The following PACC1 variants were observed in gnomAD, a reference collection of about 807,000 sequenced individuals.
The protein encoded by PACC1 is proton-activated chloride channel.
PACC1 carries 34 observed loss-of-function variants against 39.7 expected under a neutral mutation model. The ratio of observed to expected loss-of-function variants is 0.86; its 90% CI spans 0.65 to 1.14. The LOEUF (loss-of-function observed/expected upper bound fraction) is 1.14. Among genes scored for constraint, PACC1 ranks in the 50% most tolerant of loss-of-function variants. The pLI is 0.00. For synonymous variants in PACC1, 127 were observed against 160.6 expected (o/e 0.79, Z 1.58); for missense variants, 379 against 436.4 (o/e 0.87, Z 1.17).
At chr1:212,375,364 G>A in intron 6 of PACC1, 64 bp from the exon 7 acceptor site, 3 of 1,182,734 alleles carry the variant, frequency 2.5e-6, no homozygotes, top group South Asian at 1.2e-5. Flanking sequence ...CCTGTGCCCA[G>A]CGAAAGGAGA....
intron 2 of PACC1, among the ~76,000 whole-genome samples, chr1:212,394,135 A>T (rs573953605): frequency 6.6e-6 from 1 of 152,270 alleles, no homozygotes; most frequent in East Asian, 1.9e-4. Flanking sequence ...ACACAACAAC[A>T]AAAGAGAATT....
At chr1:212,414,641 C>A (rs1301911303) in intron 1 of PACC1, 81 bp downstream of exon 1, 6 of 1,554,712 alleles carry the variant, frequency 3.9e-6, no homozygotes, top group African/African-American at 1.4e-5. Flanking sequence ...GCCCCGACAC[C>A]CCCCGCCCCG....
At chr1:212,377,813 G>C (rs1571638093) in intron 5 of PACC1, 107 bp from the exon 6 acceptor site, 1 of 1,311,314 alleles carries the variant, frequency 7.6e-7, no homozygotes, top group East Asian at 2.4e-5. Context: ...CCAGGATGCT[G>C]CCCACTCCCT....
At chr1:212,411,239 A>C (rs1662116764) in intron 1 of PACC1, among the ~76,000 whole-genome samples, 1 of 152,232 alleles carries the variant, frequency 6.6e-6, no homozygotes, top group Non-Finnish European at 1.5e-5. Flanking sequence ...TCCAAAGCCC[A>C]TAGTCTTAAC....
chr1:212,401,953 G>A (rs1661732136), intron 2 of PACC1, among the ~76,000 whole-genome samples: 1 of 152,132 alleles, frequency 6.6e-6, no homozygotes, highest in Non-Finnish European at 1.5e-5. Context: ...GGGACTACAG[G>A]CATGAGCCAC....
At chr1:212,392,319 G>T (rs1661352685) in intron 2 of PACC1, among the ~76,000 whole-genome samples, 1 of 152,168 alleles carries the variant, frequency 6.6e-6, no homozygotes, top group African/African-American at 2.4e-5. Context: ...TTTCAACCCA[G>T]AATTTCATAT....
chr1:212,401,640 A>AAT (rs1661717831), intron 2 of PACC1, among the ~76,000 whole-genome samples: 1 of 150,626 alleles, frequency 6.6e-6, no homozygotes, highest in Non-Finnish European at 1.5e-5. Context: ...AAAAAAAAAA[A>AAT]AAAAATTTAT....
At chr1:212,413,608 A>G (rs1250135948) in intron 1 of PACC1, among the ~76,000 whole-genome samples, 1 of 152,192 alleles carries the variant, frequency 6.6e-6, no homozygotes. Context: ...AGCACATTTT[A>G]AAACTGAGTT....
Position 212,414,825 on chromosome 1 carries a change from G to C in PACC1, c.-68C>G. ...CGCGGCGCACGGACGCAGCACTGCGGCCGCTGCACCTGGACCTACCGGCTC... is the reference window on the plus strand; with the variant it reads ...CGCGGCGCACGGACGCAGCACTGCGCCCGCTGCACCTGGACCTACCGGCTC... On this transcript the variant is annotated 5_prime_UTR_variant, in exon 1 of 8. Coordinates refer to ENST00000261455, the MANE Select transcript of PACC1 (RefSeq NM_018252.3). 1.3e-6 allele frequency: 2 copies of C among 1,594,108 alleles called. No individual in the cohort carries two copies. The highest frequency in any genetic ancestry group is 1.7e-6 in the Non-Finnish European group (2 of 1,164,148).
chr1:212,403,391 G>C (rs928364155), intron 2 of PACC1, among the ~76,000 whole-genome samples: 1 of 152,090 alleles, frequency 6.6e-6, no homozygotes, highest in Non-Finnish European at 1.5e-5. Context: ...ATGTTTGTGA[G>C]GTTCAGTCTT....
At chr1:212,374,680 T>C (rs916239687) in intron 7 of PACC1, among the ~76,000 whole-genome samples, 1 of 152,248 alleles carries the variant, frequency 6.6e-6, no homozygotes, top group African/African-American at 2.4e-5. Context: ...ATATTATGTA[T>C]CAATTTTTTT....
intron 2 of PACC1, among the ~76,000 whole-genome samples, chr1:212,407,544 T>C (rs1661961339): frequency 6.6e-6 from 1 of 152,252 alleles, no homozygotes; most frequent in Admixed American, 6.5e-5. Flanking sequence ...CTTAGGGCTT[T>C]AGAGGCAATG....
rs551850964 is a variant in PACC1, at chr1:212,368,798, C to T, written c.892-3422G>A. ...CTGTAATCCCAGCACTTTGGGAGGC[C>T]GAGGCGGGCGGATCACAAGGTCATG... On this transcript the variant is annotated intron_variant, in intron 7 of 7. Coordinates refer to ENST00000261455, the MANE Select transcript of PACC1 (RefSeq NM_018252.3). Among the ~76,000 whole-genome samples the T allele has an allele frequency of 1.3e-4, 20 of 152,106 alleles. No homozygotes were observed. The South Asian group carries it at 1.7e-3, about 13-fold the overall frequency.
At chr1:212,405,506 C>A (rs1283479668) in intron 2 of PACC1, among the ~76,000 whole-genome samples, 2 of 152,224 alleles carry the variant, frequency 1.3e-5, no homozygotes, top group Admixed American at 1.3e-4. Context: ...GGGACAAGTT[C>A]TTCCTTGGGT....
At chr1:212,407,149 G>A (rs1661947507) in intron 2 of PACC1, among the ~76,000 whole-genome samples, 1 of 152,240 alleles carries the variant, frequency 6.6e-6, no homozygotes, top group African/African-American at 2.4e-5. Context: ...TGGGTTACCT[G>A]GGTGGGCCCG....
intron 7 of PACC1, among the ~76,000 whole-genome samples, chr1:212,369,241 T>A (rs1163434032): frequency 1.3e-5 from 2 of 151,860 alleles, no homozygotes; most frequent in South Asian, 2.1e-4. Context: ...ATGGATATAA[T>A]AAAAATAAAA....
chr1:212,409,313 A>T (rs1662038309), intron 2 of PACC1, among the ~76,000 whole-genome samples: 1 of 152,158 alleles, frequency 6.6e-6, no homozygotes, highest in Non-Finnish European at 1.5e-5. Context: ...GGAGGGTGGG[A>T]GGTAATCTGG....
At position 212,365,197 on chromosome 1, in the gene PACC1, A is replaced by C. The variant is rs765414938; in HGVS notation, c.*18T>G. 1.9e-6 allele frequency: 3 copies of C among 1,610,592 alleles called. No individual in the cohort carries two copies. Among genetic ancestry groups the C allele is most frequent in the East Asian group, 2.2e-5 (1 of 44,862 alleles). On this transcript the variant is annotated 3_prime_UTR_variant, in exon 8 of 8. Transcript: ENST00000261455. ...CTCCCATTGATGTGGACAGTTCTCT[A>C]AACAACGCGAGGTGACTTCAGCTTA... is the stretch of plus-strand genomic sequence containing the variant.
rs1660575094 is a variant in PACC1, at chr1:212,374,423, G to A, written c.891+770C>T. On this transcript the variant is annotated intron_variant, in intron 7 of 7. Coordinates refer to ENST00000261455, the MANE Select transcript of PACC1 (RefSeq NM_018252.3). Reference sequence around the variant, plus strand: ...TTACCAGAGGCTGGGAAGGGTTGGGGGAAGCAGGAGATGAAGAGAAATTGG... The same window carrying A: ...TTACCAGAGGCTGGGAAGGGTTGGGAGAAGCAGGAGATGAAGAGAAATTGG... Among the ~76,000 whole-genome samples the A allele has an allele frequency of 2.0e-5, 3 of 152,076 alleles. No homozygotes were observed. The South Asian group carries it at 6.2e-4, about 31-fold the overall frequency.
Sources: gnomAD v4.1 joint callset for allele counts (sites outside exome capture counted in the v4.1 genomes callset) on GRCh38, gnomAD v4.1.1 for gene constraint, MANE v1.5 for transcripts, NCBI Gene and HGNC (gene_info 2026-07-23, HGNC 2026-07-21) for gene names.